CBR4: variants seen among roughly 807,000 people sequenced by gnomAD.
CBR4 encodes 3-oxoacyl-[acyl-carrier-protein] reductase.
In CBR4, 22 loss-of-function variants were observed where a neutral mutation model predicts 21.0. That is an observed-to-expected ratio of 1.05 (90% CI 0.75 to 1.50). The LOEUF (loss-of-function observed/expected upper bound fraction) is 1.50, where lower values mean the gene tolerates loss of function less well. Among genes scored for constraint, CBR4 ranks in the 40% most tolerant of loss-of-function variants. CBR4 has a pLI of 0.00. For synonymous variants in CBR4, 100 were observed against 104.4 expected, an observed-to-expected ratio of 0.96 and a Z score of 0.26; for missense variants, 302 against 286.3, an observed-to-expected ratio of 1.05 and a Z score of -0.40.
chr4:168,918,673 T>A (rs957950469), intron 2 of CBR4, among the ~76,000 whole-genome samples: 1 of 152,036 alleles, frequency 6.6e-6, no homozygotes, highest in Non-Finnish European at 1.5e-5. Context: ...TAAGAGTAGG[T>A]TTTAAGTGTT....
intron 2 of CBR4, among the ~76,000 whole-genome samples, chr4:168,948,270 T>A (rs187699443): frequency 6.6e-6 from 1 of 152,288 alleles, no homozygotes; most frequent in Non-Finnish European, 1.5e-5. Context: ...TGGATATTAG[T>A]CCTTTGTCAG....
At chr4:168,919,709 T>C (rs573175822) in intron 2 of CBR4, among the ~76,000 whole-genome samples, 1 of 152,252 alleles carries the variant, frequency 6.6e-6, no homozygotes, top group South Asian at 2.1e-4. Flanking sequence ...TCCTAGACAC[T>C]GATTATCCTT....
At chr4:168,937,386 T>C (rs1214631397) in intron 2 of CBR4, among the ~76,000 whole-genome samples, 1 of 152,042 alleles carries the variant, frequency 6.6e-6, no homozygotes, top group Non-Finnish European at 1.5e-5. Flanking sequence ...ATCAACACTA[T>C]GAAGAAACTG....
chr4:168,900,092 T>A (rs949364440), intron 2 of CBR4, among the ~76,000 whole-genome samples: 4 of 151,992 alleles, frequency 2.6e-5, no homozygotes, highest in Non-Finnish European at 5.9e-5. Context: ...CAGAGAGAAG[T>A]GGTGGAGGTC....
At position 168,896,039 on chromosome 4, in the gene CBR4, G is replaced by A. The variant is rs189600776; in HGVS notation, n.170-1274C>T. Among the ~76,000 whole-genome samples, 506 of 152,174 alleles carry A rather than the reference G, an allele frequency of 3.3e-3. 2 individuals are homozygous for A. The highest frequency in any genetic ancestry group is 0.015 in the East Asian group (77 of 5,164). ...AGCCTGACCAACATGGTGAAACCCC[G>A]TCTCTACTGAAAATACAAAAATTAG... On this transcript the variant is annotated intron_variant and non_coding_transcript_variant, in intron 2 of 3. Transcript: ENST00000509108.
chr4:168,983,445 C>G (rs570090605), downstream of CBR4, among the ~76,000 whole-genome samples: 71 of 151,924 alleles, frequency 4.7e-4, no homozygotes, highest in Non-Finnish European at 8.1e-4. Flanking sequence ...AGAAAAAGCC[C>G]TGGACAAGAA....
chr4:168,899,487 G>A (rs922070569), intron 2 of CBR4, among the ~76,000 whole-genome samples: 7 of 152,184 alleles, frequency 4.6e-5, no homozygotes, highest in African/African-American at 1.7e-4. Context: ...AGTGCTGGAT[G>A]ATTAAAATTC....
rs539393557 is a variant in CBR4 at position 169,010,001 on chromosome 4, G to A, written c.89C>T (p.Ala30Val). 6 of 1,613,504 alleles carry A rather than the reference G, an allele frequency of 3.7e-6. No homozygotes were observed. In the South Asian group the frequency reaches 4.4e-5, roughly 12 times the overall value. ...QLMARKGYRL[A>V]VIARNLEGAK... ...CCCTTCCAGGTTTCTGGCAATGACC[G>A]CCAGTCGGTAGCCTTTCCGGGCCAT... Residue 30 changes from alanine to valine, a missense_variant, in exon 1 of 5, where the codon GCG (alanine) becomes GTG (valine). Coordinates refer to ENST00000306193, the MANE Select transcript of CBR4 (RefSeq NM_032783.5).
chr4:168,950,556 A>C (rs1179610412), intron 2 of CBR4, among the ~76,000 whole-genome samples: 1 of 152,120 alleles, frequency 6.6e-6, no homozygotes, highest in South Asian at 2.1e-4. Context: ...TGCTGAATGG[A>C]AAGTGTCTCC....
At position 168,924,249 on chromosome 4, in the gene CBR4, T is replaced by C; in HGVS notation, n.170-29484A>G. The C allele has an allele frequency of 6.2e-7, 1 of 1,613,148 alleles. No individual in the cohort carries two copies. The highest frequency in any genetic ancestry group is 8.5e-7 in the Non-Finnish European group (1 of 1,179,146). On this transcript the variant is annotated intron_variant and non_coding_transcript_variant, in intron 2 of 3. Transcript: ENST00000509108. The stretch of plus-strand genomic sequence containing the variant: ...TTGATAGAGAATTCATCTCATGTTT[T>C]CTTAGCTAAAGAAGCACACAAACCC...
At chr4:168,939,546 C>A (rs1417414569) in intron 2 of CBR4, among the ~76,000 whole-genome samples, 1 of 152,030 alleles carries the variant, frequency 6.6e-6, no homozygotes, top group African/African-American at 2.4e-5. Context: ...TATAGAAAAC[C>A]CCATTATCTC....
intron 2 of CBR4, among the ~76,000 whole-genome samples, chr4:168,907,904 A>G (rs1016535187): frequency 2.0e-5 from 3 of 152,160 alleles, no homozygotes; most frequent in African/African-American, 7.2e-5. Flanking sequence ...AACACTACCT[A>G]TTATAGTATT....
chr4:168,960,219 A>T (rs1531253), intron 2 of CBR4, among the ~76,000 whole-genome samples: 105,064 of 152,094 alleles, frequency 0.69, 37,666 homozygotes, highest in East Asian at 0.96. Context: ...ACATGGAATT[A>T]TTATTTCATA....
intron 2 of CBR4, chr4:168,904,241 G>T: frequency 3.5e-6 from 1 of 285,014 alleles, no homozygotes; most frequent in Non-Finnish European, 6.9e-6. Context: ...TATAACTTCA[G>T]GTAGGATTAC....
chr4:168,956,456 C>A (rs1030724984), intron 2 of CBR4, among the ~76,000 whole-genome samples: 2 of 151,560 alleles, frequency 1.3e-5, no homozygotes, highest in East Asian at 3.9e-4. Flanking sequence ...AAATTAGTTA[C>A]GCACGGTGGC....
At chr4:168,937,576 G>A (rs536571558) in intron 2 of CBR4, among the ~76,000 whole-genome samples, 1 of 151,050 alleles carries the variant, frequency 6.6e-6, no homozygotes, top group African/African-American at 2.4e-5. Flanking sequence ...CATCTCACGT[G>A]CAAAGACACA....
intron 2 of CBR4, among the ~76,000 whole-genome samples, chr4:168,922,901 G>T (rs1183626802): frequency 6.6e-6 from 1 of 152,212 alleles, no homozygotes; most frequent in Non-Finnish European, 1.5e-5. Flanking sequence ...AGTCTTTGGG[G>T]TCAGATCTGC....
intron 2 of CBR4, among the ~76,000 whole-genome samples, chr4:168,909,688 T>C (rs1224375063): frequency 6.6e-6 from 1 of 152,214 alleles, no homozygotes; most frequent in Non-Finnish European, 1.5e-5. Context: ...AGCATTAATG[T>C]GCATCAGAGC....
chr4:168,998,990 C>A (rs1026855678), intron 4 of CBR4, among the ~76,000 whole-genome samples: 2 of 152,080 alleles, frequency 1.3e-5, no homozygotes, highest in Non-Finnish European at 2.9e-5. Flanking sequence ...ATTATCTATT[C>A]AAAACACATA....
Sources: gnomAD v4.1 joint callset for allele counts (sites outside exome capture counted in the v4.1 genomes callset) on GRCh38, gnomAD v4.1.1 for gene constraint, MANE v1.5 for transcripts, NCBI Gene and HGNC (gene_info 2026-07-23, HGNC 2026-07-21) for gene names.